Variants in SZT2 observed in about 807,000 individuals in gnomAD.
SZT2 encodes the protein KICSTOR complex protein SZT2.
In SZT2, 216 loss-of-function variants were observed where a neutral mutation model predicts 404.2. The ratio of observed to expected loss-of-function variants is 0.53; its 90% CI spans 0.48 to 0.60. The LOEUF (loss-of-function observed/expected upper bound fraction) is 0.60, where lower values mean the gene tolerates loss of function less well. Ranked by LOEUF, SZT2 falls within the 20% of genes least tolerant of loss-of-function variation. The probability of loss-of-function intolerance (pLI) is 0.00; values close to 1 mark genes in which losing one functional copy is unlikely to be tolerated. For missense variants in SZT2, 3,857 were observed against 4,459.2 expected, an observed-to-expected ratio of 0.86 and a Z score of 3.85; for synonymous variants, 1,693 against 1,749.9, an observed-to-expected ratio of 0.97 and a Z score of 0.81.
intron 62 of SZT2, among the ~76,000 whole-genome samples, chr1:43,444,471 C>T (rs1655442412): frequency 6.6e-6 from 1 of 152,134 alleles, no homozygotes; most frequent in African/African-American, 2.4e-5. Flanking sequence ...TATCATCCCA[C>T]TGACCTCTCC....
rs1421010669 is a variant in SZT2 at position 43,451,738 on chromosome 1, TTCCGAGAC to T, written c.*1259_*1266del. Reference sequence around the variant, plus strand: ...ATGTCCTAGGGAAGAGGATACTACATTCCGAGACCCCGCAGGCCCCGCCCTCCTTCCGA... The same window carrying T: ...ATGTCCTAGGGAAGAGGATACTACATCCCGCAGGCCCCGCCCTCCTTCCGA... On this transcript the variant is annotated 3_prime_UTR_variant, in exon 72 of 72. Transcript: ENST00000634258. 1 of 1,613,648 alleles carries T rather than the reference TTCCGAGAC, an allele frequency of 6.2e-7. No homozygotes were observed. Among genetic ancestry groups the T allele is most frequent in the Non-Finnish European group, 8.5e-7 (1 of 1,179,724 alleles).
rs1453835789 is a variant in SZT2 at position 43,437,803 on chromosome 1, C to A, written c.6409C>A (p.Pro2137Thr). The A allele has an allele frequency of 6.2e-7, 1 of 1,614,182 alleles. No homozygotes were observed. ...YSEEASGPRSPLDMVSSRSSD... is the reference protein window; with the variant it reads ...YSEEASGPRSTLDMVSSRSSD... ...GTTTTCCCTGTAGGGTCCTCGTTCT[C>A]CCTTAGACATGGTCTCTAGCCGCAG... is the stretch of plus-strand genomic sequence containing the variant. The change falls in exon 46 of 72, where the codon CCC becomes ACC. Residue 2137 changes from proline (P) to threonine (T), a missense_variant. This residue lies in a region of SZT2 where 261 missense variants were observed against 372.9 expected (regional missense o/e 0.70). Coordinates refer to ENST00000634258, the MANE Select transcript of SZT2 (RefSeq NM_001365999.1). The surrounding 1 kb of genome is among the most constrained non-coding windows in gnomAD (Gnocchi z 5.3).
Position 43,448,275 on chromosome 1 carries a change from G to A in SZT2, c.9760G>A (p.Glu3254Lys), listed in dbSNP as rs1221822304. Residue 3254 changes from glutamate to lysine, a missense_variant, in exon 69 of 72, where the codon GAG becomes AAG. Around this residue, in one of 7 missense-constraint regions of SZT2, gnomAD observed 717 missense variants for 868.2 expected, o/e 0.83. Transcript: ENST00000634258. The surrounding 1 kb of genome is among the most constrained non-coding windows in gnomAD (Gnocchi z 4.2). ...TCCTCTGTTCCCACCACTGGCTGCA[G>A]AGGTGGGCATGGCACGAGCACGGCT... ...PAPLFPPLAAEVGMARARLAQ... is the reference protein window; with the variant it reads ...PAPLFPPLAAKVGMARARLAQ... 3.2e-6 allele frequency: 5 copies of A among 1,569,018 alleles called. No homozygotes were observed. Among genetic ancestry groups the A allele is most frequent in the Non-Finnish European group, 3.5e-6 (4 of 1,157,444 alleles).
At chr1:43,432,046 C>T (rs1653957105) in intron 36 of SZT2, 145 bp downstream of exon 36, 1 of 1,194,432 alleles carries the variant, frequency 8.4e-7, no homozygotes. Context: ...TCTGCCCTAA[C>T]CCCTGTGCTT....
rs1401365196 is a variant in SZT2 at position 43,448,160 on chromosome 1, A to G, written c.9645A>G (p.Pro3215=). Residue 3215 remains proline (P), a synonymous_variant, in exon 69 of 72, where the codon CCA becomes CCG. Transcript: ENST00000634258. This position sits in a 1 kb window ranked among gnomAD's most constrained non-coding sequence, Gnocchi z 4.2. ...CTGACATGCGCCGCTTCCGGAAGCC[A>G]CCCAGACTGCCCCCTGAGCCAGAGG... The part of the protein sequence containing the change: ...LTADMRRFRK[P]PRLPPEPEAP... The G allele has an allele frequency of 5.6e-6, 9 of 1,611,504 alleles. No individual in the cohort carries two copies. Among genetic ancestry groups the G allele is most frequent in the Non-Finnish European group, 7.6e-6 (9 of 1,178,446 alleles).
chr1:43,426,806 C>T lies in SZT2; in HGVS notation c.3306C>T (p.Ser1102=), dbSNP rs370803181. The part of the protein sequence containing the change: ...TQATGDSAFT[S]LSVGLPETLK... The stretch of plus-strand genomic sequence containing the variant: ...CCACAGGAGACTCCGCTTTTACTTC[C>T]CTGGTCAGCACCGATTCTTCTCCCT... The change falls in exon 23 of 72, where the codon TCC becomes TCT. Residue 1102 remains serine, a synonymous_variant. Transcript: ENST00000634258. This position sits in a 1 kb window ranked among gnomAD's most constrained non-coding sequence, Gnocchi z 4.9. 6.2e-5 allele frequency: 100 copies of T among 1,613,292 alleles called. No homozygotes were observed. Among genetic ancestry groups the T allele is most frequent in the Non-Finnish European group, 8.3e-5 (98 of 1,179,662 alleles).
intron 12 of SZT2, 122 bp downstream of exon 12, chr1:43,422,347 C>T (rs1178447760): frequency 1.5e-5 from 22 of 1,480,852 alleles, no homozygotes; most frequent in Non-Finnish European, 2.0e-5. Context: ...AAAACTATAG[C>T]CTTTTCCTTG....
chr1:43,441,943 G>C lies in SZT2; in HGVS notation c.7743-57G>C, dbSNP rs1655102272. On this transcript the variant is annotated intron_variant, in intron 55 of 71. Transcript: ENST00000634258. This position sits in a 1 kb window ranked among gnomAD's most constrained non-coding sequence, Gnocchi z 4.8. ...GGAAACAAGGCCCAGGGAGGTGAAG[G>C]CTAGGCCAGGGAGTGGTGTCATGGA... The C allele has an allele frequency of 1.9e-6, 3 of 1,592,336 alleles. No individual in the cohort carries two copies. Among genetic ancestry groups the C allele is most frequent in the African/African-American group, 2.7e-5 (2 of 74,588 alleles).
At position 43,453,534 on chromosome 1, in the gene SZT2, A is replaced by C. The variant is rs1259583902; in HGVS notation, c.*3054A>C. On this transcript the variant is annotated 3_prime_UTR_variant, in exon 72 of 72. Coordinates refer to ENST00000634258, the MANE Select transcript of SZT2 (RefSeq NM_001365999.1). ...ACGGGCCTCAGCCCCCGGCTCGGAC[A>C]CTCCCCTGCCCGCGCCCCGGCACCC... The C allele has an allele frequency of 8.5e-6, 13 of 1,524,396 alleles. No individual in the cohort carries two copies. Among genetic ancestry groups the C allele is most frequent in the Non-Finnish European group, 1.1e-5 (13 of 1,132,194 alleles). The allele number at this position is 1,524,396 out of a possible 1,614,324, so 94.4% of individuals were successfully genotyped here. A position where few individuals can be genotyped will look rare whatever the true frequency, so the allele number is the denominator to read the frequency against.
In SZT2 at chr1:43,431,767, A is replaced by G. The variant is rs1653915927; in HGVS notation, c.5140A>G (p.Ile1714Val). 3 of 1,614,114 alleles carry G rather than the reference A, an allele frequency of 1.9e-6. No individual in the cohort carries two copies. The highest frequency in any genetic ancestry group is 1.1e-5 in the South Asian group (1 of 91,092). Residue 1714 changes from isoleucine to valine, a missense_variant, in exon 36 of 72, where the codon ATC (isoleucine) becomes GTC (valine). Around this residue, in one of 7 missense-constraint regions of SZT2, gnomAD observed 1,725 missense variants for 1,881.0 expected, o/e 0.92. Coordinates refer to ENST00000634258, the MANE Select transcript of SZT2 (RefSeq NM_001365999.1). ...EMVGALRRGG[I>V]PQSPALHRAA... ...GGTGGGGGCACTCCGAAGAGGGGGC[A>G]TCCCACAGAGTCCTGCCCTGCACCG... is the stretch of plus-strand genomic sequence containing the variant.
chr1:43,431,269 A>G lies in SZT2; in HGVS notation c.4921A>G (p.Thr1641Ala), dbSNP rs528738374. ...ACTTGTTCCCACCCTGTTCAGGTCA[A>G]CATCTGAAAGCAGTGCTTCATTTCC... ...TASDPQHHRS[T>A]SESSASFPRS... The change falls in exon 34 of 72, where the codon ACA becomes GCA. Residue 1641 changes from threonine to alanine, a missense_variant. Thr to Ala is a moderately conservative substitution (Grantham distance 58). Around this residue, in one of 7 missense-constraint regions of SZT2, gnomAD observed 1,725 missense variants for 1,881.0 expected, o/e 0.92. Coordinates refer to ENST00000634258, the MANE Select transcript of SZT2 (RefSeq NM_001365999.1). The G allele has an allele frequency of 3.5e-5, 56 of 1,609,244 alleles. No homozygotes were observed. In the East Asian group the frequency reaches 1.1e-3, roughly 33 times the overall value.
Position 43,422,161 on chromosome 1 carries a change from G to A in SZT2, c.1705G>A (p.Asp569Asn). 1.3e-6 allele frequency: 2 copies of A among 1,597,256 alleles called. No homozygotes were observed. The highest frequency in any genetic ancestry group is 1.7e-6 in the Non-Finnish European group (2 of 1,179,002). ...CTACTGGAAGCCAGTGCTGTCCATG[G>A]ATGCAAATTCCTGGCAGCGATGGCT... The part of the protein sequence containing the change: ...AAYWKPVLSM[D>N]ANSWQRWLHM... Residue 569 changes from aspartate (D) to asparagine (N), a missense_variant, in exon 12 of 72, where the codon GAT becomes AAT. Physicochemically the swap from Asp to Asn is conservative, Grantham distance 23. Around this residue, in one of 7 missense-constraint regions of SZT2, gnomAD observed 39 missense variants for 89.7 expected, o/e 0.43. Coordinates refer to ENST00000634258, the MANE Select transcript of SZT2 (RefSeq NM_001365999.1).
intron 4 of SZT2, among the ~76,000 whole-genome samples, chr1:43,413,755 A>G (rs1651361665): frequency 6.6e-6 from 1 of 152,348 alleles, no homozygotes; most frequent in East Asian, 1.9e-4. Context: ...AATTAAAACA[A>G]TTGAACTAAT....
In SZT2 at chr1:43,447,840, C is replaced by T. The variant is rs373013766; in HGVS notation, c.9441-9C>T. On this transcript the variant is annotated splice_polypyrimidine_tract_variant and intron_variant, in intron 67 of 71. Transcript: ENST00000634258. ...CAGAGTTGACATCTCCCCAACCCGT[C>T]CTGCACAGTTCTGGCTCCTACCTGG... 6 of 1,613,918 alleles carry T rather than the reference C, an allele frequency of 3.7e-6. No homozygotes were observed. In the African/African-American group the frequency reaches 6.7e-5, roughly 18 times the overall value.
At position 43,453,673 on chromosome 1, in the gene SZT2, A is replaced by G; in HGVS notation, c.*3193A>G. On this transcript the variant is annotated 3_prime_UTR_variant, in exon 72 of 72. Coordinates refer to ENST00000634258, the MANE Select transcript of SZT2 (RefSeq NM_001365999.1). Reference sequence around the variant, plus strand: ...GCCAGCGCCTCAGGCGTCTCCGCGTACGGCCAGGCCACCTCGACGGCCTCG... The same window carrying G: ...GCCAGCGCCTCAGGCGTCTCCGCGTGCGGCCAGGCCACCTCGACGGCCTCG... 3.4e-6 allele frequency: 5 copies of G among 1,479,926 alleles called. No homozygotes were observed. The highest frequency in any genetic ancestry group is 4.4e-6 in the Non-Finnish European group (5 of 1,123,718). 91.7% of individuals were successfully genotyped at this position (1,479,926 alleles called of 1,614,324 possible). A position where few individuals can be genotyped will look rare whatever the true frequency, so the allele number is the denominator to read the frequency against.
intron 62 of SZT2, among the ~76,000 whole-genome samples, chr1:43,444,998 G>A (rs1246477425): frequency 1.3e-5 from 2 of 152,040 alleles, no homozygotes; most frequent in Admixed American, 6.5e-5. Flanking sequence ...AAGAGAAGGC[G>A]TGCCTGCCCC....
chr1:43,432,324 G>A lies in SZT2; in HGVS notation c.5327G>A (p.Ser1776Asn), dbSNP rs573209410. ...CATGTTCTTCTTGAAGACCCTGACA[G>A]TGGCTTCTTCTTTGTGGCAGCTGGC... Reference protein sequence around the residue: ...PGHVLLEDPDSGFFFVAAGQQ... With the variant: ...PGHVLLEDPDNGFFFVAAGQQ... The change falls in exon 37 of 72, where the codon AGT becomes AAT. Residue 1776 changes from serine to asparagine, a missense_variant. Physicochemically the swap from Ser to Asn is conservative, Grantham distance 46. Coordinates refer to ENST00000634258, the MANE Select transcript of SZT2 (RefSeq NM_001365999.1). The A allele has an allele frequency of 6.2e-7, 1 of 1,603,334 alleles. No individual in the cohort carries two copies. The highest frequency in any genetic ancestry group is 8.5e-7 in the Non-Finnish European group (1 of 1,175,756).
rs1430262887 is a variant in SZT2 at position 43,392,071 on chromosome 1, G to A, written c.27+2076G>A. On this transcript the variant is annotated intron_variant, in intron 1 of 71. Transcript: ENST00000634258. ...TGCAGTCCAGCCTGGGCGACAGAGC[G>A]AGACTCCGTCTCAAAAAAAAAAAAA... Among the ~76,000 whole-genome samples, 3 of 6,888 alleles carry A rather than the reference G, an allele frequency of 4.4e-4. 1 individual carries two copies. The highest frequency in any genetic ancestry group is 2.3e-3 in the Admixed American group (1 of 426). The allele number at this position is 6,888 out of a possible 152,430, so 4.5% of individuals were successfully genotyped here.
chr1:43,431,970 C>G (rs929776939), intron 36 of SZT2, 69 bp downstream of exon 36: 31 of 1,550,820 alleles, frequency 2.0e-5, no homozygotes, highest in Non-Finnish European at 2.7e-5. Context: ...AGGCACAGGA[C>G]TGGAAGGCCC....
Sources: allele counts gnomAD v4.1 joint callset (sites outside exome capture counted in the v4.1 genomes callset), GRCh38; gene constraint gnomAD v4.1.1; regional missense constraint gnomAD v4.1.1; non-coding constraint Gnocchi (gnomAD v3.1); transcripts MANE v1.5; gene names NCBI Gene and HGNC (gene_info 2026-07-23, HGNC 2026-07-21).